The following EPN2 variants were observed in gnomAD, a reference collection of about 807,000 sequenced individuals.
EPN2 encodes epsin 2.
EPN2 carries 34 observed loss-of-function variants against 61.7 expected under a neutral mutation model. That is an observed-to-expected ratio of 0.55 (90% CI 0.42 to 0.73). The LOEUF is 0.73. EPN2 is among the 30% of genes least tolerant of loss of function. The probability of loss-of-function intolerance (pLI) is 0.00; values close to 1 mark genes in which losing one functional copy is unlikely to be tolerated. For synonymous variants in EPN2, 349 were observed against 353.6 expected, an observed-to-expected ratio of 0.99 and a Z score of 0.15; for missense variants, 714 against 839.2, an observed-to-expected ratio of 0.85 and a Z score of 1.84.
intron 1 of EPN2, among the ~76,000 whole-genome samples, chr17:19,250,821 C>G (rs149590475): frequency 1.3e-5 from 2 of 152,094 alleles, no homozygotes; most frequent in African/African-American, 2.4e-5. Flanking sequence ...CCTTTCTGTT[C>G]ATACCCTGCT....
intron 4 of EPN2, chr17:19,306,398 T>C (rs1341126324): frequency 6.6e-6 from 1 of 152,262 alleles, no homozygotes; most frequent in East Asian, 1.9e-4. Context: ...TGTTCAATGG[T>C]TGGTGGCCAA....
chr17:19,316,391 C>T (rs986677798), intron 7 of EPN2, among the ~76,000 whole-genome samples: 7 of 152,214 alleles, frequency 4.6e-5, no homozygotes, highest in Non-Finnish European at 8.8e-5. Flanking sequence ...GCATTATTAC[C>T]AGTGACTTGG....
intron 6 of EPN2, among the ~76,000 whole-genome samples, chr17:19,312,412 C>T (rs2152232250): frequency 6.6e-6 from 1 of 152,352 alleles, no homozygotes; most frequent in Admixed American, 6.5e-5. Context: ...GCCGCTGTGG[C>T]TACGGCAGCT....
intron 7 of EPN2, among the ~76,000 whole-genome samples, chr17:19,322,759 AG>A (rs199759955): frequency 2.7e-5 from 4 of 149,552 alleles, no homozygotes; most frequent in African/African-American, 9.9e-5. Flanking sequence ...AAAAAAAAAA[AG>A]GTAGTGGCTG....
At chr17:19,276,057 TATTA>T (rs202047090) in intron 1 of EPN2, among the ~76,000 whole-genome samples, 1,571 of 152,314 alleles carry the variant, frequency 0.01, 27 homozygotes, top group African/African-American at 0.036. Flanking sequence ...TAAAATGAAT[TATTA>T]ATTAATACAA....
intron 3 of EPN2, among the ~76,000 whole-genome samples, chr17:19,284,634 ACTT>A (rs1038360143): frequency 1.3e-5 from 2 of 152,186 alleles, no homozygotes; most frequent in Admixed American, 1.3e-4. Context: ...ATAGCAGAAA[ACTT>A]CTTTTTAAAG....
intron 1 of EPN2, among the ~76,000 whole-genome samples, chr17:19,246,689 AT>A (rs1009292673): frequency 7.0e-4 from 103 of 146,460 alleles, no homozygotes; most frequent in African/African-American, 2.3e-3. Flanking sequence ...CCCCAAAAAA[AT>A]ATCCTAGCAA....
At chr17:19,280,413 T>A (rs1485205027) in intron 1 of EPN2, among the ~76,000 whole-genome samples, 1 of 152,228 alleles carries the variant, frequency 6.6e-6, no homozygotes, top group Non-Finnish European at 1.5e-5. Flanking sequence ...GCATCATGAA[T>A]GAAAAACCTA....
chr17:19,335,309 AC>A lies in EPN2; in HGVS notation c.*1056del. On this transcript the variant is annotated 3_prime_UTR_variant, in exon 11 of 11. Coordinates refer to ENST00000314728, the MANE Select transcript of EPN2 (RefSeq NM_014964.5). ...TAGATCCTGAGAGGCTATTTTTCTT[AC>A]GAATATACCAACATCCTGAAAGTTA... 1 of 1,280,486 alleles carries A rather than the reference AC, an allele frequency of 7.8e-7. No homozygotes were observed. Among genetic ancestry groups the A allele is most frequent in the Non-Finnish European group, 1.1e-6 (1 of 936,422 alleles). 79.3% of individuals were successfully genotyped at this position (1,280,486 alleles called of 1,614,324 possible).
intron 1 of EPN2, among the ~76,000 whole-genome samples, chr17:19,237,920 C>T (rs1243695102): frequency 6.6e-6 from 1 of 152,230 alleles, no homozygotes; most frequent in Non-Finnish European, 1.5e-5. Flanking sequence ...GAGCACGTTC[C>T]TCCTCTCCCC....
At chr17:19,284,300 C>G (rs1462314334) in intron 3 of EPN2, among the ~76,000 whole-genome samples, 1 of 152,122 alleles carries the variant, frequency 6.6e-6, no homozygotes. Flanking sequence ...GCATTGAGTT[C>G]TGGTTTTGCA....
At chr17:19,262,771 C>CTG (rs1222714719) in intron 1 of EPN2, among the ~76,000 whole-genome samples, 5 of 152,380 alleles carry the variant, frequency 3.3e-5, no homozygotes, top group South Asian at 2.1e-4. Flanking sequence ...CCCCTGGCAA[C>CTG]TATCAGTCTG....
At chr17:19,258,297 G>A (rs944416609) in intron 1 of EPN2, among the ~76,000 whole-genome samples, 1 of 152,140 alleles carries the variant, frequency 6.6e-6, no homozygotes, top group Non-Finnish European at 1.5e-5. Flanking sequence ...AACACTTACT[G>A]CTCTCTGGGC....
At chr17:19,261,092 C>T (rs183108618) in intron 1 of EPN2, among the ~76,000 whole-genome samples, 21 of 152,320 alleles carry the variant, frequency 1.4e-4, no homozygotes, top group African/African-American at 5.1e-4. Context: ...TCCCACATTG[C>T]AGTGGTCCTG....
intron 1 of EPN2, among the ~76,000 whole-genome samples, chr17:19,267,316 T>C (rs2045209978): frequency 6.6e-6 from 1 of 151,938 alleles, no homozygotes; most frequent in Non-Finnish European, 1.5e-5. Context: ...ATAGTGATGA[T>C]TGCACAACAT....
chr17:19,264,819 A>G (rs937773822), intron 1 of EPN2, among the ~76,000 whole-genome samples: 7 of 152,166 alleles, frequency 4.6e-5, no homozygotes, highest in African/African-American at 1.7e-4. Flanking sequence ...TGCCAGGCCC[A>G]GCATGCAGCA....
intron 8 of EPN2, 53 bp from the exon 9 acceptor site, chr17:19,329,508 T>G: frequency 1.8e-6 from 2 of 1,134,152 alleles, no homozygotes; most frequent in Non-Finnish European, 2.7e-6. Context: ...GCAGTGGAGT[T>G]GCCATGAAGT....
At chr17:19,332,979 A>G (rs1190149107) in intron 10 of EPN2, among the ~76,000 whole-genome samples, 2 of 152,192 alleles carry the variant, frequency 1.3e-5, no homozygotes, top group Non-Finnish European at 1.5e-5. Flanking sequence ...CACTGAACTT[A>G]CAGAGGCTGA....
chr17:19,268,623 G>A (rs904646847), intron 1 of EPN2, among the ~76,000 whole-genome samples: 1 of 152,134 alleles, frequency 6.6e-6, no homozygotes, highest in Non-Finnish European at 1.5e-5. Flanking sequence ...TGAATGAGCT[G>A]TTCTAGGAAC....
Sources: allele counts gnomAD v4.1 joint callset (sites outside exome capture counted in the v4.1 genomes callset), GRCh38; gene constraint gnomAD v4.1.1; transcripts MANE v1.5; gene names NCBI Gene and HGNC (gene_info 2026-07-23, HGNC 2026-07-21).